Variants in MTMR12 observed in about 807,000 individuals in gnomAD.
The protein encoded by MTMR12 is myotubularin related protein 12, also known as myotubularin-related protein 12.
A neutral mutation model predicts 96.7 loss-of-function variants in MTMR12; 33 were observed. The ratio of observed to expected loss-of-function variants is 0.34; its 90% confidence interval spans 0.26 to 0.46. The LOEUF (loss-of-function observed/expected upper bound fraction) is 0.46. Among genes scored for constraint, MTMR12 ranks in the 20% least tolerant of loss-of-function variants. The pLI, the probability that MTMR12 is intolerant of heterozygous loss-of-function variation, is 1.00. For missense variants in MTMR12, 721 were observed against 896.1 expected (o/e 0.80, Z 2.49); for synonymous variants, 298 against 327.2 (o/e 0.91, Z 0.96).
chr5:32,291,894 T>G (rs1186053522), intron 1 of MTMR12, among the ~76,000 whole-genome samples: 1 of 152,200 alleles, frequency 6.6e-6, no homozygotes, highest in Non-Finnish European at 1.5e-5. Flanking sequence ...GGCAGAGGTT[T>G]GTCTTCACTG....
At chr5:32,301,596 T>C (rs2112156465) in intron 1 of MTMR12, among the ~76,000 whole-genome samples, 1 of 152,334 alleles carries the variant, frequency 6.6e-6, no homozygotes, top group Non-Finnish European at 1.5e-5. Context: ...AATACTTCAA[T>C]ACTCTTAGCA....
chr5:32,233,455 AACACACACACACACACAAACACACAC>A lies in MTMR12; in HGVS notation c.1674+292_1674+317del, dbSNP rs1205771434. On this transcript the variant is annotated intron_variant, in intron 15 of 15. Coordinates refer to ENST00000382142, the MANE Select transcript of MTMR12 (RefSeq NM_001040446.3). This position sits in a 1 kb window ranked among gnomAD's most constrained non-coding sequence, Gnocchi z 5.0. Reference sequence around the variant, plus strand: ...CAATCAATGTTCCTTTTACTCTACTAACACACACACACACACAAACACACACACACACACACACACACAGGCAGGAC... The same window carrying A: ...CAATCAATGTTCCTTTTACTCTACTAACACACACACACACACAGGCAGGAC... 1.4e-5 allele frequency among the ~76,000 whole-genome samples: 2 copies of A among 147,962 alleles called. No homozygotes were observed. Among genetic ancestry groups the A allele is most frequent in the African/African-American group, 5.1e-5 (2 of 39,030 alleles).
At chr5:32,281,259 A>AAC (rs1311398856) in intron 1 of MTMR12, among the ~76,000 whole-genome samples, 3 of 149,382 alleles carry the variant, frequency 2.0e-5, no homozygotes, top group Non-Finnish European at 4.4e-5. Flanking sequence ...AAAAAAAAAA[A>AAC]AAAAACAAAA....
intron 1 of MTMR12, among the ~76,000 whole-genome samples, chr5:32,311,774 C>A (rs1751607232): frequency 1.3e-5 from 2 of 152,196 alleles, no homozygotes; most frequent in Admixed American, 1.3e-4. Context: ...GCCAACCCTT[C>A]AGACACACTC....
At chr5:32,279,652 C>T (rs1750207328) in intron 1 of MTMR12, among the ~76,000 whole-genome samples, 2 of 152,238 alleles carry the variant, frequency 1.3e-5, no homozygotes, top group South Asian at 2.1e-4. Context: ...CTGCCACACA[C>T]AGCAGCATTC....
chr5:32,258,204 C>G (rs541205234), intron 7 of MTMR12, among the ~76,000 whole-genome samples: 2 of 152,136 alleles, frequency 1.3e-5, no homozygotes, highest in East Asian at 3.9e-4. Flanking sequence ...TGATAGAAAA[C>G]CAGGTTTGGA....
chr5:32,245,139 G>A (rs1163724088), intron 10 of MTMR12, among the ~76,000 whole-genome samples: 4 of 152,132 alleles, frequency 2.6e-5, no homozygotes, highest in Non-Finnish European at 4.4e-5. Context: ...GGGTTCAAGC[G>A]ATTCTTCTGT....
At position 32,288,271 on chromosome 5, in the gene MTMR12, G is replaced by A. The variant is rs145196565; in HGVS notation, c.82-11529C>T. ...TCTGATGAACTTTTTTTGCCAGAAG[G>A]AACAGCTTCCCCATCCCCAGTAGTG... On this transcript the variant is annotated intron_variant, in intron 1 of 15. Coordinates refer to ENST00000382142, the MANE Select transcript of MTMR12 (RefSeq NM_001040446.3). 3.9e-3 allele frequency among the ~76,000 whole-genome samples: 591 copies of A among 152,178 alleles called. 7 individuals carry two copies. The highest frequency in any genetic ancestry group is 0.014 in the African/African-American group (569 of 41,526).
At chr5:32,282,773 G>A (rs929916774) in intron 1 of MTMR12, among the ~76,000 whole-genome samples, 4 of 152,222 alleles carry the variant, frequency 2.6e-5, no homozygotes, top group Admixed American at 6.5e-5. Context: ...ACCTGTTTGG[G>A]TGGGTAGGAA....
chr5:32,301,880 AAAT>A (rs1446729641), intron 1 of MTMR12, among the ~76,000 whole-genome samples: 5 of 152,206 alleles, frequency 3.3e-5, no homozygotes, highest in Non-Finnish European at 7.3e-5. Flanking sequence ...CCATCTCAAA[AAAT>A]AATAATAAAA....
At chr5:32,299,123 T>C (rs1323611251) in intron 1 of MTMR12, among the ~76,000 whole-genome samples, 2 of 151,782 alleles carry the variant, frequency 1.3e-5, no homozygotes, top group Non-Finnish European at 2.9e-5. Context: ...TCTGGGGTGG[T>C]GAGGAATAAT....
intron 12 of MTMR12, among the ~76,000 whole-genome samples, chr5:32,239,958 GC>G (rs1318246459): frequency 6.6e-6 from 1 of 152,168 alleles, no homozygotes; most frequent in African/African-American, 2.4e-5. Flanking sequence ...CTTTATCCGT[GC>G]ATTTGTCTTA....
intron 1 of MTMR12, among the ~76,000 whole-genome samples, chr5:32,280,247 G>C (rs1206823579): frequency 6.6e-6 from 1 of 152,162 alleles, no homozygotes; most frequent in Non-Finnish European, 1.5e-5. Context: ...AGCTCTCATA[G>C]GTCAAAATGC....
intron 1 of MTMR12, among the ~76,000 whole-genome samples, chr5:32,298,164 T>G (rs1750996758): frequency 6.6e-6 from 1 of 151,534 alleles, no homozygotes; most frequent in Admixed American, 6.6e-5. Flanking sequence ...CATCTGGGGG[T>G]GGTGCAGACG....
At chr5:32,241,979 A>G (rs1472357249) in intron 12 of MTMR12, 78 bp downstream of exon 12, 1 of 1,196,450 alleles carries the variant, frequency 8.4e-7, no homozygotes, top group African/African-American at 1.5e-5. Context: ...GTTTCCAAAT[A>G]CATAAAGCTA....
intron 1 of MTMR12, among the ~76,000 whole-genome samples, chr5:32,281,624 G>A (rs79783774): frequency 0.015 from 2,213 of 152,266 alleles, 34 homozygotes; most frequent in East Asian, 0.071. Context: ...CATCTGGGCC[G>A]GGCGTGGTGG....
chr5:32,244,109 A>G (rs1333630713), intron 10 of MTMR12, among the ~76,000 whole-genome samples: 2 of 152,094 alleles, frequency 1.3e-5, no homozygotes, highest in Non-Finnish European at 2.9e-5. Flanking sequence ...CAGAAATCCA[A>G]TATATTTAAA....
At chr5:32,285,567 C>T in intron 1 of MTMR12, among the ~76,000 whole-genome samples, 1 of 152,084 alleles carries the variant, frequency 6.6e-6, no homozygotes, top group South Asian at 2.1e-4. Context: ...AATAAGTCTT[C>T]CAGTTTCCGC....
At chr5:32,264,603 G>A (rs1233609369) in intron 6 of MTMR12, among the ~76,000 whole-genome samples, 1 of 152,012 alleles carries the variant, frequency 6.6e-6, no homozygotes, top group East Asian at 1.9e-4. Context: ...TGGGATTATA[G>A]GCACCCACCA....
Sources: allele counts gnomAD v4.1 joint callset (sites outside exome capture counted in the v4.1 genomes callset), GRCh38; gene constraint gnomAD v4.1.1; non-coding constraint Gnocchi (gnomAD v3.1); transcripts MANE v1.5; gene names NCBI Gene and HGNC (gene_info 2026-07-23, HGNC 2026-07-21).